The following VPS13C variants were observed in gnomAD, a reference collection of about 807,000 sequenced individuals.
VPS13C encodes intermembrane lipid transfer protein VPS13C.
Under a neutral mutation model 456.8 loss-of-function variants are expected in VPS13C, and 358 were observed. That is an observed-to-expected ratio of 0.78 (90% CI 0.72 to 0.86). The LOEUF (loss-of-function observed/expected upper bound fraction) is 0.86. VPS13C is among the 40% of genes least tolerant of loss of function. The pLI is 0.00. For missense variants in VPS13C, 4,818 were observed against 4,385.4 expected (o/e 1.10, Z -2.79); for synonymous variants, 1,578 against 1,486.7 (o/e 1.06, Z -1.41).
At position 61,882,129 on chromosome 15, in the gene VPS13C, A is replaced by G. The variant is rs545194718; in HGVS notation, c.9625-301T>C. Among the ~76,000 whole-genome samples the G allele has an allele frequency of 4.9e-4, 75 of 152,282 alleles. 1 individual carries two copies. The South Asian group carries it at 0.016, about 32-fold the overall frequency. ...GAGATTTCAATTCTCTATGGTTTAA[A>G]TAAAAGTTGAAACTGAATATGAAAT... On this transcript the variant is annotated intron_variant, in intron 69 of 84. Coordinates refer to ENST00000644861, the MANE Select transcript of VPS13C (RefSeq NM_020821.3).
intron 75 of VPS13C, among the ~76,000 whole-genome samples, chr15:61,876,152 G>A (rs1895408462): frequency 6.6e-6 from 1 of 152,004 alleles, no homozygotes; most frequent in African/African-American, 2.4e-5. Flanking sequence ...GGAAGGTCAG[G>A]CTGGGTGTGG....
chr15:62,003,881 T>C (rs975075884), intron 15 of VPS13C, among the ~76,000 whole-genome samples: 1 of 151,822 alleles, frequency 6.6e-6, no homozygotes, highest in Non-Finnish European at 1.5e-5. Context: ...CACTTGATCA[T>C]GGTGGATAAG....
At chr15:61,981,726 G>C (rs567457175) in intron 21 of VPS13C, among the ~76,000 whole-genome samples, 1 of 152,126 alleles carries the variant, frequency 6.6e-6, no homozygotes, top group South Asian at 2.1e-4. Context: ...AGCCAGGCGT[G>C]GTGGCGGGCG....
At chr15:61,936,793 A>T in intron 47 of VPS13C, 43 bp from the exon 48 acceptor site, 1 of 1,542,226 alleles carries the variant, frequency 6.5e-7, no homozygotes, top group Non-Finnish European at 8.7e-7. Context: ...TAATAAAAAA[A>T]ATGTAGACTA....
At chr15:61,871,854 C>T in intron 79 of VPS13C, 135 bp downstream of exon 79, 1 of 702,158 alleles carries the variant, frequency 1.4e-6, no homozygotes, top group Non-Finnish European at 2.3e-6. Context: ...ATTCATTGAG[C>T]AACTTAAGGC....
chr15:62,010,213 C>T (rs1167533836), intron 13 of VPS13C, among the ~76,000 whole-genome samples: 1 of 151,822 alleles, frequency 6.6e-6, no homozygotes, highest in Non-Finnish European at 1.5e-5. Flanking sequence ...CTTCCATCAA[C>T]AATTGTGAGT....
chr15:61,890,104 G>A (rs1449351404), intron 67 of VPS13C, 61 bp downstream of exon 67: 69 of 1,482,740 alleles, frequency 4.7e-5, no homozygotes, highest in African/African-American at 4.2e-5. Context: ...TCTTCAAATC[G>A]GCTATTATGA....
chr15:61,988,578 A>G (rs1045718359), intron 18 of VPS13C, among the ~76,000 whole-genome samples: 49 of 152,376 alleles, frequency 3.2e-4, no homozygotes, highest in Non-Finnish European at 1.9e-4. Context: ...GTTTTTATAG[A>G]AACTGAACAG....
intron 49 of VPS13C, among the ~76,000 whole-genome samples, chr15:61,932,088 T>G (rs1346816262): frequency 6.6e-6 from 1 of 152,206 alleles, no homozygotes; most frequent in African/African-American, 2.4e-5. Context: ...ATACAGTATT[T>G]TATTCATTCA....
intron 25 of VPS13C, 142 bp downstream of exon 25, chr15:61,974,146 C>T: frequency 3.6e-6 from 3 of 833,462 alleles, no homozygotes; most frequent in East Asian, 3.3e-5. Flanking sequence ...TTATTTAAAA[C>T]ACATTATAAA....
At chr15:61,894,396 T>A (rs2042742322) in intron 66 of VPS13C, among the ~76,000 whole-genome samples, 1 of 151,050 alleles carries the variant, frequency 6.6e-6, no homozygotes, top group African/African-American at 2.4e-5. Context: ...TAATAATGAA[T>A]GTAAATAGAC....
intron 66 of VPS13C, among the ~76,000 whole-genome samples, chr15:61,899,920 A>G (rs2042945396): frequency 6.6e-6 from 1 of 152,114 alleles, no homozygotes; most frequent in Non-Finnish European, 1.5e-5. Context: ...CACCATGATC[A>G]AGTGGGCTTC....
chr15:62,015,486 T>C (rs1040611674), intron 9 of VPS13C, among the ~76,000 whole-genome samples: 3 of 151,502 alleles, frequency 2.0e-5, no homozygotes, highest in Admixed American at 2.0e-4. Flanking sequence ...TTATGGTTTA[T>C]TGCGGCACTA....
At chr15:61,999,601 T>G (rs1047086894) in intron 16 of VPS13C, among the ~76,000 whole-genome samples, 1 of 152,180 alleles carries the variant, frequency 6.6e-6, no homozygotes, top group African/African-American at 2.4e-5. Context: ...GTTTCTGAGA[T>G]GAGTGTTTTT....
At position 61,964,861 on chromosome 15, in the gene VPS13C, C is replaced by A. The variant is rs771247178; in HGVS notation, c.3052G>T (p.Val1018Leu). 1 of 1,595,432 alleles carries A rather than the reference C, an allele frequency of 6.3e-7. No individual in the cohort carries two copies. The highest frequency in any genetic ancestry group is 1.8e-5 in the Admixed American group (1 of 54,992). The change falls in exon 31 of 85, where the codon GTG becomes TTG. Residue 1018 changes from valine to leucine, a missense_variant and splice_region_variant. Coordinates refer to ENST00000644861, the MANE Select transcript of VPS13C (RefSeq NM_020821.3). ...AFGKTEQTVK[V>L]AFSSLNLLLQ... Reference sequence around the variant, plus strand: ...AACAGATTTAAAGATGAAAAGGCCACCTAAAAATGTTTTAAAGAGAAAATT... The same window carrying A: ...AACAGATTTAAAGATGAAAAGGCCAACTAAAAATGTTTTAAAGAGAAAATT...
intron 82 of VPS13C, 141 bp from the exon 83 acceptor site, chr15:61,856,550 A>AT (rs555902700): frequency 4.8e-5 from 44 of 919,280 alleles, no homozygotes; most frequent in East Asian, 9.0e-5. Flanking sequence ...AACCTGCTTC[A>AT]TTTTTTTTAA....
At chr15:62,050,102 C>T (rs545006507) in intron 1 of VPS13C, among the ~76,000 whole-genome samples, 153 of 152,312 alleles carry the variant, frequency 1.0e-3, no homozygotes, top group African/African-American at 3.6e-3. Flanking sequence ...ATTTCCTTCT[C>T]CTGCCTAATT....
At chr15:61,872,961 T>C (rs1895144650) in intron 78 of VPS13C, among the ~76,000 whole-genome samples, 1 of 152,066 alleles carries the variant, frequency 6.6e-6, no homozygotes, top group East Asian at 1.9e-4. Context: ...CTTCTCCCTC[T>C]AGTTTCCATA....
rs201785369 is a variant in VPS13C at position 61,890,339 on chromosome 15, T to C, written c.9167A>G (p.Asp3056Gly). ...GAAAAGCAAAACTCTCTGGCGCCCA[T>C]CCAGAAATGATACCCAGTGTATCTG... ...NIQIHWVSFL[D>G]GRQRVLLFTD... is the part of the protein sequence containing the mutation. The change falls in exon 67 of 85, where the codon GAT becomes GGT. Residue 3056 changes from aspartate to glycine, a missense_variant. Coordinates refer to ENST00000644861, the MANE Select transcript of VPS13C (RefSeq NM_020821.3). The C allele has an allele frequency of 1.2e-4, 188 of 1,613,890 alleles. No individual in the cohort carries two copies. The highest frequency in any genetic ancestry group is 1.6e-4 in the African/African-American group (12 of 74,886).
Sources: allele counts gnomAD v4.1 joint callset (sites outside exome capture counted in the v4.1 genomes callset), GRCh38; gene constraint gnomAD v4.1.1; transcripts MANE v1.5; gene names NCBI Gene and HGNC (gene_info 2026-07-23, HGNC 2026-07-21).